COBL: variants seen among roughly 807,000 people sequenced by gnomAD.
COBL encodes the protein protein cordon-bleu.
A neutral mutation model predicts 98.8 loss-of-function variants in COBL; 51 were observed. The ratio of observed to expected loss-of-function variants is 0.52; its 90% confidence interval spans 0.41 to 0.65. The LOEUF is 0.65. Among genes scored for constraint, COBL ranks in the 30% least tolerant of loss-of-function variants. COBL has a pLI of 0.00. For synonymous variants in COBL, 634 were observed against 651.7 expected, an observed-to-expected ratio of 0.97 and a Z score of 0.41; for missense variants, 1,617 against 1,617.5, an observed-to-expected ratio of 1.00 and a Z score of 0.01.
At chr7:51,214,422 G>T (rs1476590478) in intron 2 of COBL, among the ~76,000 whole-genome samples, 1 of 152,168 alleles carries the variant, frequency 6.6e-6, no homozygotes, top group African/African-American at 2.4e-5. Context: ...TGTGTTACCT[G>T]GACAGGTGTG....
chr7:51,279,790 C>T (rs1799650904), intron 1 of COBL, among the ~76,000 whole-genome samples: 1 of 152,198 alleles, frequency 6.6e-6, no homozygotes, highest in Non-Finnish European at 1.5e-5. Flanking sequence ...CTTTCCCCCT[C>T]CTGACCCCTG....
At chr7:51,291,110 T>C (rs1800850847) in intron 1 of COBL, among the ~76,000 whole-genome samples, 1 of 152,054 alleles carries the variant, frequency 6.6e-6, no homozygotes, top group Non-Finnish European at 1.5e-5. Flanking sequence ...AAATCCCTGT[T>C]AGAGCCAGCA....
At chr7:51,177,917 G>A (rs1275876037) in intron 5 of COBL, among the ~76,000 whole-genome samples, 1 of 152,144 alleles carries the variant, frequency 6.6e-6, no homozygotes, top group Non-Finnish European at 1.5e-5. Context: ...GGTTGAGGTG[G>A]GTGGATCACA....
chr7:51,083,274 C>A, intron 7 of COBL: 1 of 1,407,924 alleles, frequency 7.1e-7, no homozygotes, highest in East Asian at 2.6e-5. Context: ...TAAACCAAGC[C>A]GTCACTCACT....
chr7:51,069,902 T>A (rs1037291493), intron 7 of COBL, among the ~76,000 whole-genome samples: 1 of 152,198 alleles, frequency 6.6e-6, no homozygotes, highest in Non-Finnish European at 1.5e-5. Flanking sequence ...TGTAGCAGAT[T>A]TATCAACCAG....
intron 1 of COBL, among the ~76,000 whole-genome samples, chr7:51,277,376 G>C (rs1272345093): frequency 6.6e-6 from 1 of 152,162 alleles, no homozygotes; most frequent in Non-Finnish European, 1.5e-5. Context: ...AGGAGAGAGA[G>C]AATAGAGCAA....
At chr7:51,272,953 A>C (rs1296114162) in intron 1 of COBL, among the ~76,000 whole-genome samples, 1 of 142,796 alleles carries the variant, frequency 7.0e-6, no homozygotes. Context: ...CAATACCAAC[A>C]ACAACAACAA....
chr7:51,200,062 A>G, intron 2 of COBL, among the ~76,000 whole-genome samples: 1 of 152,224 alleles, frequency 6.6e-6, no homozygotes, highest in East Asian at 1.9e-4. Context: ...CACAAGGGAA[A>G]CATTGTAAGA....
intron 2 of COBL, among the ~76,000 whole-genome samples, chr7:51,211,759 G>A (rs1293849548): frequency 1.3e-5 from 2 of 152,182 alleles, no homozygotes; most frequent in African/African-American, 2.4e-5. Flanking sequence ...CAAAGAGTCA[G>A]GTATGTTAGG....
At position 51,027,700 on chromosome 7, in the gene COBL, C is replaced by T. The variant is rs376429048; in HGVS notation, c.3384+12G>A. ...GGTGTGGAAGGCCTGCCCCGGAAGC[C>T]GCCATCCTCACCTTGCGTAGTCTGT... On this transcript the variant is annotated intron_variant, in intron 10 of 12. Transcript: ENST00000265136. 4.7e-5 allele frequency: 76 copies of T among 1,600,990 alleles called. No homozygotes were observed. The highest frequency in any genetic ancestry group is 3.0e-4 in the Admixed American group (18 of 59,190).
At position 51,248,680 on chromosome 7, in the gene COBL, C is replaced by A. The variant is rs118131769; in HGVS notation, c.42-28736G>T. Among the ~76,000 whole-genome samples the A allele has an allele frequency of 9.2e-4, 140 of 152,318 alleles. 3 individuals carry two copies. The East Asian group carries it at 0.017, about 19-fold the overall frequency. The stretch of plus-strand genomic sequence containing the variant: ...TATATCAGTTTTAACACTCCTCAAT[C>A]TACCCAGTCTTTGTAAATATCTAAA... On this transcript the variant is annotated intron_variant, in intron 1 of 12. Coordinates refer to ENST00000265136, the MANE Select transcript of COBL (RefSeq NM_015198.5).
chr7:51,092,566 C>A (rs1255897638), intron 6 of COBL, among the ~76,000 whole-genome samples: 1 of 152,074 alleles, frequency 6.6e-6, no homozygotes, highest in Non-Finnish European at 1.5e-5. Flanking sequence ...GTTCTTGATA[C>A]CTTTGTCAAA....
At chr7:51,212,826 G>A (rs1792587497) in intron 2 of COBL, among the ~76,000 whole-genome samples, 1 of 152,196 alleles carries the variant, frequency 6.6e-6, no homozygotes, top group South Asian at 2.1e-4. Flanking sequence ...TTCTACTCAG[G>A]TCTGGGGAAG....
intron 5 of COBL, among the ~76,000 whole-genome samples, chr7:51,136,650 G>T (rs1799267163): frequency 6.6e-6 from 1 of 152,144 alleles, no homozygotes; most frequent in South Asian, 2.1e-4. Context: ...GTGTGAACTG[G>T]CCTCCTTAAA....
intron 12 of COBL, among the ~76,000 whole-genome samples, chr7:51,020,378 C>G (rs1562798242): frequency 1.3e-5 from 2 of 152,176 alleles, no homozygotes; most frequent in Non-Finnish European, 2.9e-5. Context: ...ACCCCTGCCC[C>G]CTTCCTCTGG....
intron 6 of COBL, among the ~76,000 whole-genome samples, chr7:51,133,219 C>T (rs942428485): frequency 2.0e-5 from 3 of 152,130 alleles, no homozygotes; most frequent in East Asian, 1.9e-4. Flanking sequence ...TCTGTCCTCC[C>T]AGATGAGGGT....
Position 51,043,672 on chromosome 7 carries a change from C to T in COBL, c.1117G>A (p.Gly373Ser). Reference sequence around the variant, plus strand: ...GCTCCATCCGGGCTGCAGTGGCTGCCAGACCCCAGGGGCAGGCTTACTGGA... The same window carrying T: ...GCTCCATCCGGGCTGCAGTGGCTGCTAGACCCCAGGGGCAGGCTTACTGGA... ...STMVSLPLGS[G>S]SHCSPDGAPQ... is the part of the protein sequence containing the mutation. Residue 373 changes from glycine to serine, a missense_variant, in exon 8 of 13, where the codon GGC becomes AGC. Physicochemically the swap from Gly to Ser is moderately conservative, Grantham distance 56 (BLOSUM62 0). Coordinates refer to ENST00000265136, the MANE Select transcript of COBL (RefSeq NM_015198.5). 6.2e-7 allele frequency: 1 copy of T among 1,613,822 alleles called. No individual in the cohort carries two copies. Among genetic ancestry groups the T allele is most frequent in the Non-Finnish European group, 8.5e-7 (1 of 1,179,956 alleles).
intron 1 of COBL, among the ~76,000 whole-genome samples, chr7:51,278,678 C>A (rs1197332597): frequency 6.6e-6 from 1 of 152,176 alleles, no homozygotes; most frequent in African/African-American, 2.4e-5. Flanking sequence ...CGGCACCTGG[C>A]CTAGACAGGT....
intron 1 of COBL, among the ~76,000 whole-genome samples, chr7:51,243,561 G>A (rs1369451437): frequency 2.0e-5 from 3 of 151,296 alleles, no homozygotes; most frequent in Admixed American, 6.6e-5. Flanking sequence ...CCCGTGCCAC[G>A]GGCTAGCCCT....
Sources: gnomAD v4.1 joint callset for allele counts (sites outside exome capture counted in the v4.1 genomes callset) on GRCh38, gnomAD v4.1.1 for gene constraint, MANE v1.5 for transcripts, NCBI Gene and HGNC (gene_info 2026-07-23, HGNC 2026-07-21) for gene names.